WDPCP: variants seen among roughly 807,000 people sequenced by gnomAD.
WDPCP encodes the protein WD repeat containing planar cell polarity effector, also known as WD repeat-containing and planar cell polarity effector protein fritz homolog.
Under a neutral mutation model 93.1 loss-of-function variants are expected in WDPCP, and 71 were observed. The observed-to-expected ratio is 0.76, with a 90% CI of 0.63 to 0.93. The LOEUF is 0.93. Ranked by LOEUF, WDPCP falls within the 40% of genes least tolerant of loss-of-function variation. The pLI is 0.00. For synonymous variants in WDPCP, 315 were observed against 315.0 expected (o/e 1.00, Z 0.00); for missense variants, 844 against 887.4 (o/e 0.95, Z 0.62).
chr2:63,531,840 C>T (rs2106241149), intron 1 of WDPCP, among the ~76,000 whole-genome samples: 1 of 152,254 alleles, frequency 6.6e-6, no homozygotes, highest in South Asian at 2.1e-4. Flanking sequence ...AGCAGCAGAA[C>T]AAAGCTGGAC....
chr2:63,698,101 G>C (rs1575750272), intron 2 of WDPCP, among the ~76,000 whole-genome samples: 1 of 151,992 alleles, frequency 6.6e-6, no homozygotes, highest in Non-Finnish European at 1.5e-5. Context: ...GATTATGGAT[G>C]TGCAGCACCA....
At chr2:63,265,712 A>G (rs921874404) in intron 13 of WDPCP, among the ~76,000 whole-genome samples, 1 of 152,236 alleles carries the variant, frequency 6.6e-6, no homozygotes, top group African/African-American at 2.4e-5. Context: ...TTACAATAAA[A>G]GAAAATTACA....
intron 1 of WDPCP, among the ~76,000 whole-genome samples, chr2:63,575,489 A>ACAGTATATATACT (rs1257278044): frequency 5.8e-5 from 1 of 17,306 alleles, no homozygotes; most frequent in African/African-American, 1.7e-4. Context: ...GTGTATATAT[A>ACAGTATATATACT]GTATATACAG....
At position 63,394,338 on chromosome 2, in the gene WDPCP, C is replaced by T. The variant is rs1051443021; in HGVS notation, c.1435+9710G>A. 2.0e-5 allele frequency among the ~76,000 whole-genome samples: 3 copies of T among 151,528 alleles called. No individual in the cohort carries two copies. The East Asian group carries it at 5.8e-4, about 29-fold the overall frequency. The stretch of plus-strand genomic sequence containing the variant: ...TGCAAATCAAAACCACAATGAGATG[C>T]CATCTCATACCAGTCAGAATGGCTA... On this transcript the variant is annotated intron_variant, in intron 10 of 17. Transcript: ENST00000272321.
chr2:63,685,643 C>G (rs1668795176), intron 2 of WDPCP, among the ~76,000 whole-genome samples: 1 of 152,086 alleles, frequency 6.6e-6, no homozygotes, highest in Non-Finnish European at 1.5e-5. Flanking sequence ...CCAGAAAAGA[C>G]ACATCAGAAA....
chr2:63,833,351 T>G, the WDPCP span, among the ~76,000 whole-genome samples: 1 of 152,186 alleles, frequency 6.6e-6, no homozygotes, highest in Non-Finnish European at 1.5e-5. Flanking sequence ...AAATTAAGGT[T>G]CATAAGGTTA....
chr2:63,537,554 C>G (rs1404590168), intron 1 of WDPCP, among the ~76,000 whole-genome samples: 1 of 152,204 alleles, frequency 6.6e-6, no homozygotes, highest in African/African-American at 2.4e-5. Flanking sequence ...TCTTAGGGTC[C>G]TATGAGTCAT....
At chr2:63,245,693 A>G (rs1680217062) in intron 14 of WDPCP, among the ~76,000 whole-genome samples, 1 of 152,206 alleles carries the variant, frequency 6.6e-6, no homozygotes, top group African/African-American at 2.4e-5. Context: ...TGATGAACTA[A>G]AAATTGAAGG....
At chr2:63,268,429 A>G (rs1466040562) in intron 13 of WDPCP, among the ~76,000 whole-genome samples, 1 of 152,080 alleles carries the variant, frequency 6.6e-6, no homozygotes, top group Non-Finnish European at 1.5e-5. Context: ...ATTAATAGCA[A>G]TGTATTGTAT....
chr2:63,396,722 CAT>C (rs1465470278), intron 10 of WDPCP, among the ~76,000 whole-genome samples: 1 of 151,820 alleles, frequency 6.6e-6, no homozygotes, highest in Non-Finnish European at 1.5e-5. Flanking sequence ...TAGGTAAACT[CAT>C]ATCATGGGGG....
At chr2:63,595,559 T>A (rs879703560) in intron 3 of WDPCP, 21 of 1,269,166 alleles carry the variant, frequency 1.7e-5, no homozygotes, top group Non-Finnish European at 2.4e-5. Context: ...TGGTATTTGA[T>A]TTCTTACAAA....
At chr2:63,181,356 T>G (rs1674226303) in intron 14 of WDPCP, among the ~76,000 whole-genome samples, 1 of 152,120 alleles carries the variant, frequency 6.6e-6, no homozygotes, top group Non-Finnish European at 1.5e-5. Context: ...TTAATTGATC[T>G]TGAGTTGGCT....
At position 63,120,282 on chromosome 2, in the gene WDPCP, T is replaced by G. The variant is rs13432479; in HGVS notation, c.*1724A>C. On this transcript the variant is annotated 3_prime_UTR_variant, in exon 18 of 18. Coordinates refer to ENST00000272321, the MANE Select transcript of WDPCP (RefSeq NM_015910.7). ...ATGAAAATTTGCTGGTAACTCAGTT[T>G]GGCTTACATGTTATGCATTATTAAA... Among the ~76,000 whole-genome samples, 2,676 of 152,246 alleles carry G rather than the reference T, an allele frequency of 0.018. 86 individuals are homozygous for G. Among genetic ancestry groups the G allele is most frequent in the African/African-American group, 0.061 (2,545 of 41,532 alleles).
intron 3 of WDPCP, among the ~76,000 whole-genome samples, chr2:63,603,866 A>G (rs1312850293): frequency 6.6e-6 from 1 of 152,174 alleles, no homozygotes; most frequent in African/African-American, 2.4e-5. Flanking sequence ...CATGTTGGTC[A>G]GGCTGGTCTC....
At chr2:63,818,301 C>T (rs926770352) in intron 1 of WDPCP, among the ~76,000 whole-genome samples, 1 of 152,190 alleles carries the variant, frequency 6.6e-6, no homozygotes, top group African/African-American at 2.4e-5. Flanking sequence ...AGTAACTGAA[C>T]TTAGAAAGTC....
chr2:63,643,805 G>A (rs1710013091), intron 3 of WDPCP: 2 of 541,888 alleles, frequency 3.7e-6, no homozygotes, highest in South Asian at 2.8e-5. Flanking sequence ...AGCAGGGTAG[G>A]TTACATCAGT....
At chr2:63,671,869 C>T (rs1389078799) in intron 2 of WDPCP, among the ~76,000 whole-genome samples, 1 of 152,162 alleles carries the variant, frequency 6.6e-6, no homozygotes, top group Non-Finnish European at 1.5e-5. Flanking sequence ...AGACCCTTAC[C>T]ATGCTCTGAG....
chr2:63,134,143 C>A (rs966698810), intron 17 of WDPCP, among the ~76,000 whole-genome samples: 1 of 152,126 alleles, frequency 6.6e-6, no homozygotes, highest in Non-Finnish European at 1.5e-5. Flanking sequence ...GTCAATACAA[C>A]CCTGAATAAT....
At chr2:63,658,423 G>A (rs1279991830) in intron 2 of WDPCP, among the ~76,000 whole-genome samples, 1 of 152,108 alleles carries the variant, frequency 6.6e-6, no homozygotes, top group Non-Finnish European at 1.5e-5. Flanking sequence ...TTTCTGTGAT[G>A]GGGTAATCAG....
Sources: allele counts gnomAD v4.1 joint callset (sites outside exome capture counted in the v4.1 genomes callset), GRCh38; gene constraint gnomAD v4.1.1; transcripts MANE v1.5; gene names NCBI Gene and HGNC (gene_info 2026-07-23, HGNC 2026-07-21).